SRD5A2: variants seen among roughly 807,000 people sequenced by gnomAD.
SRD5A2 encodes the protein 3-oxo-5-alpha-steroid 4-dehydrogenase 2.
Under a neutral mutation model 27.4 loss-of-function variants are expected in SRD5A2, and 30 were observed. That is an observed-to-expected ratio of 1.10 (90% CI 0.82 to 1.49). The LOEUF (loss-of-function observed/expected upper bound fraction) is 1.49. Among genes scored for constraint, SRD5A2 ranks in the 40% most tolerant of loss-of-function variants. The pLI, the probability that SRD5A2 is intolerant of heterozygous loss-of-function variation, is 0.00. For synonymous variants in SRD5A2, 141 were observed against 133.6 expected, an observed-to-expected ratio of 1.06 and a Z score of -0.38; for missense variants, 348 against 323.4, an observed-to-expected ratio of 1.08 and a Z score of -0.58.
chr2:31,640,537 G>A, the SRD5A2 span, among the ~76,000 whole-genome samples: 1 of 152,072 alleles, frequency 6.6e-6, no homozygotes, highest in East Asian at 1.9e-4. Context: ...CTCCTGTTCA[G>A]CTCTAGATAG....
chr2:31,647,472 C>T, the SRD5A2 span, among the ~76,000 whole-genome samples: 1 of 152,246 alleles, frequency 6.6e-6, no homozygotes, highest in East Asian at 1.9e-4. Context: ...TATTAAGTTG[C>T]CTCAAGGGTT....
chr2:31,631,848 T>C, the SRD5A2 span, among the ~76,000 whole-genome samples: 21 of 152,274 alleles, frequency 1.4e-4, no homozygotes, highest in South Asian at 2.1e-4. Context: ...TAGACCATCA[T>C]TGGGACACAG....
intron 1 of SRD5A2, among the ~76,000 whole-genome samples, chr2:31,577,878 A>G (rs1204621520): frequency 2.0e-5 from 3 of 152,226 alleles, no homozygotes; most frequent in African/African-American, 7.2e-5. Flanking sequence ...AACCTTTGAA[A>G]AGAATTTAGA....
chr2:31,586,952 G>A, the SRD5A2 span, among the ~76,000 whole-genome samples: 1 of 152,168 alleles, frequency 6.6e-6, no homozygotes, highest in Non-Finnish European at 1.5e-5. Flanking sequence ...CAAAATAGCT[G>A]CTTTGAGAAA....
chr2:31,553,815 A>G (rs1431059992), intron 1 of SRD5A2, among the ~76,000 whole-genome samples: 1 of 152,168 alleles, frequency 6.6e-6, no homozygotes, highest in Non-Finnish European at 1.5e-5. Context: ...TGTCTGAACT[A>G]AAATTGATTT....
the SRD5A2 span, among the ~76,000 whole-genome samples, chr2:31,631,804 C>CA: frequency 6.6e-6 from 1 of 152,188 alleles, no homozygotes; most frequent in Non-Finnish European, 1.5e-5. Flanking sequence ...GGAAAGAGAA[C>CA]AACTCCCCAC....
At chr2:31,580,595 G>GA in intron 1 of SRD5A2, 25 bp downstream of exon 1, 1 of 1,504,572 alleles carries the variant, frequency 6.6e-7, no homozygotes, top group Non-Finnish European at 8.9e-7. Context: ...CGCTGCACTG[G>GA]GCGCCCGCAA....
the SRD5A2 span, among the ~76,000 whole-genome samples, chr2:31,618,490 A>G: frequency 6.6e-6 from 1 of 152,222 alleles, no homozygotes; most frequent in African/African-American, 2.4e-5. Context: ...AATACTAAAC[A>G]GCTTCTAAAA....
At chr2:31,561,923 G>A (rs1379985973) in intron 1 of SRD5A2, among the ~76,000 whole-genome samples, 2 of 152,112 alleles carry the variant, frequency 1.3e-5, no homozygotes, top group Admixed American at 6.6e-5. Context: ...TCAACTTGAG[G>A]TGGATTTTGG....
the SRD5A2 span, among the ~76,000 whole-genome samples, chr2:31,593,402 G>T: frequency 1.3e-5 from 2 of 152,114 alleles, 1 homozygote; most frequent in East Asian, 3.9e-4. Flanking sequence ...ACACTGGAAA[G>T]GTTCAACAAT....
chr2:31,592,928 C>T, the SRD5A2 span, among the ~76,000 whole-genome samples: 1 of 152,126 alleles, frequency 6.6e-6, no homozygotes, highest in African/African-American at 2.4e-5. Flanking sequence ...TTTAATGCAG[C>T]CATAAAAAAT....
chr2:31,643,078 T>A, the SRD5A2 span, among the ~76,000 whole-genome samples: 2 of 152,130 alleles, frequency 1.3e-5, no homozygotes, highest in Non-Finnish European at 2.9e-5. Flanking sequence ...AAAAACATTC[T>A]GTATCTTGAT....
intron 1 of SRD5A2, among the ~76,000 whole-genome samples, chr2:31,554,892 A>G (rs1362997664): frequency 6.7e-6 from 1 of 149,308 alleles, no homozygotes; most frequent in East Asian, 2.0e-4. Flanking sequence ...CCTGGTGATG[A>G]ATAGTCCTGG....
At chr2:31,642,149 G>C in the SRD5A2 span, among the ~76,000 whole-genome samples, 5 of 152,026 alleles carry the variant, frequency 3.3e-5, no homozygotes, top group Non-Finnish European at 7.4e-5. Context: ...GTTGAGAAAG[G>C]AAAGTCTTCA....
At chr2:31,567,505 G>A (rs1192727094) in intron 1 of SRD5A2, among the ~76,000 whole-genome samples, 1 of 148,398 alleles carries the variant, frequency 6.7e-6, no homozygotes, top group Non-Finnish European at 1.5e-5. Flanking sequence ...TATATTTCAT[G>A]TCACATGAAG....
At chr2:31,581,333 C>T (rs1007205319), upstream of SRD5A2, among the ~76,000 whole-genome samples, 1 of 152,172 alleles carries the variant, frequency 6.6e-6, no homozygotes, top group Admixed American at 6.5e-5. Context: ...GTCCCACCCT[C>T]GAACACCCAA....
At chr2:31,597,953 T>A in the SRD5A2 span, among the ~76,000 whole-genome samples, 13 of 152,232 alleles carry the variant, frequency 8.5e-5, no homozygotes, top group African/African-American at 2.9e-4. Context: ...CACTACTGGG[T>A]GTCTACCCAG....
the SRD5A2 span, among the ~76,000 whole-genome samples, chr2:31,594,264 A>T: frequency 6.6e-6 from 1 of 152,154 alleles, no homozygotes; most frequent in Non-Finnish European, 1.5e-5. Context: ...ATGACAGAAT[A>T]CATAAAATTC....
chr2:31,559,585 A>AAAAAAG (rs1363387748), intron 1 of SRD5A2, among the ~76,000 whole-genome samples: 1 of 152,162 alleles, frequency 6.6e-6, no homozygotes, highest in Admixed American at 6.5e-5. Flanking sequence ...ATTGCTCTTA[A>AAAAAAG]AAAAAGAAAA....
Sources: allele counts gnomAD v4.1 joint callset (sites outside exome capture counted in the v4.1 genomes callset), GRCh38; gene constraint gnomAD v4.1.1; transcripts MANE v1.5; gene names NCBI Gene and HGNC (gene_info 2026-07-23, HGNC 2026-07-21).